The following ZNF565 variants were observed in gnomAD, a reference collection of about 807,000 sequenced individuals.
ZNF565 encodes the protein zinc finger protein 565.
In ZNF565, 27 loss-of-function variants were observed where a neutral mutation model predicts 39.4. The ratio of observed to expected loss-of-function variants is 0.69; its 90% confidence interval spans 0.51 to 0.95. The LOEUF (loss-of-function observed/expected upper bound fraction) is 0.95. Ranked by LOEUF, ZNF565 falls within the 40% of genes least tolerant of loss-of-function variation. The pLI is 0.00. For missense variants in ZNF565, 524 were observed against 621.1 expected, an observed-to-expected ratio of 0.84 and a Z score of 1.66; for synonymous variants, 185 against 216.6, an observed-to-expected ratio of 0.85 and a Z score of 1.28.
At position 36,205,499 on chromosome 19, in the gene ZNF565, G is replaced by T. The variant is rs190330081; in HGVS notation, c.-65-3449C>A. Among the ~76,000 whole-genome samples, 10 of 152,298 alleles carry T rather than the reference G, an allele frequency of 6.6e-5. No homozygotes were observed. In the East Asian group the frequency reaches 1.7e-3, roughly 26 times the overall value. ...GCCGAGATGGCACCATTGCACTCCA[G>T]CCTGGGGAACAGAGTGAGACTCTCT... On this transcript the variant is annotated intron_variant, in intron 1 of 4. Coordinates refer to ENST00000304116, the MANE Select transcript of ZNF565 (RefSeq NM_152477.5).
At chr19:36,218,565 A>G (rs1976709128), upstream of ZNF565, among the ~76,000 whole-genome samples, 1 of 151,082 alleles carries the variant, frequency 6.6e-6, no homozygotes, top group Non-Finnish European at 1.5e-5. Context: ...TCCCTGGTTC[A>G]TGCCATTCTC....
chr19:36,201,468 A>G (rs1975963373), intron 2 of ZNF565, among the ~76,000 whole-genome samples: 1 of 148,472 alleles, frequency 6.7e-6, no homozygotes, highest in Non-Finnish European at 1.5e-5. Context: ...GTGCTCTGCT[A>G]AGAGCATTTA....
intron 1 of ZNF565, among the ~76,000 whole-genome samples, chr19:36,225,957 TGGG>T (rs1977049995): frequency 6.6e-6 from 1 of 151,916 alleles, no homozygotes; most frequent in South Asian, 2.1e-4. Flanking sequence ...TTTGCAGAGA[TGGG>T]GTCTTGCCAT....
upstream of ZNF565, chr19:36,214,832 G>C (rs1209976735): frequency 6.6e-6 from 1 of 152,628 alleles, no homozygotes; most frequent in Admixed American, 6.6e-5. Flanking sequence ...AGAGGGCGTC[G>C]CCACTCCAGA....
chr19:36,216,466 C>G (rs929110463), upstream of ZNF565, among the ~76,000 whole-genome samples: 1 of 151,910 alleles, frequency 6.6e-6, no homozygotes, highest in African/African-American at 2.4e-5. Context: ...CATGGTGAAA[C>G]CCTGTCTCTA....
At chr19:36,215,038 T>A (rs1976536072), upstream of ZNF565, 1 of 152,330 alleles carries the variant, frequency 6.6e-6, no homozygotes, top group African/African-American at 2.4e-5. Context: ...AGTACCAGCC[T>A]GGGCCTGGCC....
chr19:36,226,677 C>T (rs1341395030), intron 1 of ZNF565, among the ~76,000 whole-genome samples: 2 of 152,116 alleles, frequency 1.3e-5, no homozygotes, highest in East Asian at 3.8e-4. Context: ...TTTTTCATAA[C>T]TACAGTACAG....
intron 1 of ZNF565, among the ~76,000 whole-genome samples, chr19:36,243,392 G>T (rs1430788987): frequency 6.6e-6 from 1 of 152,126 alleles, no homozygotes; most frequent in African/African-American, 2.4e-5. Flanking sequence ...GCCAAGATGG[G>T]ATAAGCACAT....
upstream of ZNF565, among the ~76,000 whole-genome samples, chr19:36,216,177 T>A (rs1976596457): frequency 6.6e-6 from 1 of 152,174 alleles, no homozygotes; most frequent in Admixed American, 6.6e-5. Context: ...TGAAGAAAAC[T>A]AATATTTACA....
At chr19:36,193,937 A>C (rs1007772603) in intron 4 of ZNF565, among the ~76,000 whole-genome samples, 13 of 152,086 alleles carry the variant, frequency 8.5e-5, no homozygotes, top group Non-Finnish European at 1.6e-4. Context: ...CCTGTCTCTT[A>C]AAGAAAAAGG....
At chr19:36,189,707 A>G (rs1057364591) in intron 4 of ZNF565, among the ~76,000 whole-genome samples, 29 of 152,336 alleles carry the variant, frequency 1.9e-4, no homozygotes, top group African/African-American at 6.7e-4. Flanking sequence ...GAAATTAGAA[A>G]ACACACCAAC....
At chr19:36,226,935 T>C (rs1245655475) in intron 1 of ZNF565, among the ~76,000 whole-genome samples, 3 of 151,438 alleles carry the variant, frequency 2.0e-5, no homozygotes, top group Non-Finnish European at 2.9e-5. Flanking sequence ...AATAAAAAAT[T>C]AGTGGGGCAT....
At chr19:36,203,462 T>C (rs78703741) in intron 1 of ZNF565, 8,848 of 152,234 alleles carry the variant, frequency 0.058, 311 homozygotes, top group Middle Eastern at 0.11. Flanking sequence ...GACCATCTAC[T>C]GCTTTTCTGC....
chr19:36,210,815 G>A (rs947185594), intron 1 of ZNF565, among the ~76,000 whole-genome samples: 7 of 152,042 alleles, frequency 4.6e-5, no homozygotes, highest in African/African-American at 1.7e-4. Flanking sequence ...TCTAATAAAA[G>A]GAACCAATGG....
chr19:36,186,981 G>A (rs1411953900), intron 4 of ZNF565, among the ~76,000 whole-genome samples: 4 of 152,114 alleles, frequency 2.6e-5, no homozygotes, highest in Non-Finnish European at 5.9e-5. Context: ...ACCTGAGGTT[G>A]GGAGTTTGAG....
chr19:36,198,676 T>C (rs564204290), intron 2 of ZNF565, among the ~76,000 whole-genome samples: 1 of 152,166 alleles, frequency 6.6e-6, no homozygotes, highest in African/African-American at 2.4e-5. Flanking sequence ...CTCGGCTCAC[T>C]GCAACCTCTG....
At chr19:36,204,062 A>G (rs1489558197) in intron 1 of ZNF565, among the ~76,000 whole-genome samples, 1 of 147,164 alleles carries the variant, frequency 6.8e-6, no homozygotes, top group Non-Finnish European at 1.5e-5. Flanking sequence ...CGATCCTTCC[A>G]CCTCGGCCTC....
intron 1 of ZNF565, among the ~76,000 whole-genome samples, chr19:36,224,630 C>T (rs565851950): frequency 6.6e-6 from 1 of 152,228 alleles, no homozygotes; most frequent in South Asian, 2.1e-4. Context: ...CCTGGCTATT[C>T]TTGCCTGTTT....
In ZNF565 at chr19:36,244,085, G is replaced by T. The variant is rs76534069; in HGVS notation, c.55+1391C>A. On this transcript the variant is annotated intron_variant, in intron 1 of 4. Transcript: ENST00000355114. ...GTCATTAGGCTGCTCTGCCACTGCC[G>T]TAGCTGTCAACCAAACCAAGAAAAA... is the stretch of plus-strand genomic sequence containing the variant. Among the ~76,000 whole-genome samples, 1,321 of 151,912 alleles carry T rather than the reference G, an allele frequency of 8.7e-3. 12 individuals are homozygous for T. Among genetic ancestry groups the T allele is most frequent in the Non-Finnish European group, 0.014 (956 of 67,958 alleles).
Sources: allele counts gnomAD v4.1 joint callset (sites outside exome capture counted in the v4.1 genomes callset), GRCh38; gene constraint gnomAD v4.1.1; transcripts MANE v1.5; gene names NCBI Gene and HGNC (gene_info 2026-07-23, HGNC 2026-07-21).